Variants in SYTL2 observed in about 807,000 individuals in gnomAD.
SYTL2 encodes synaptotagmin like 2, also known as synaptotagmin-like protein 2.
Under a neutral mutation model 198.7 loss-of-function variants are expected in SYTL2, and 165 were observed. The observed-to-expected ratio is 0.83, with a 90% CI of 0.73 to 0.94. The LOEUF is 0.94. Ranked by LOEUF, SYTL2 falls within the 40% of genes least tolerant of loss-of-function variation. SYTL2 has a pLI of 0.00. For synonymous variants in SYTL2, 966 were observed against 917.7 expected, an observed-to-expected ratio of 1.05 and a Z score of -0.95; for missense variants, 2,835 against 2,582.8, an observed-to-expected ratio of 1.10 and a Z score of -2.12.
chr11:85,782,601 A>G (rs775350335), intron 1 of SYTL2, among the ~76,000 whole-genome samples: 5 of 152,214 alleles, frequency 3.3e-5, no homozygotes, highest in Admixed American at 1.3e-4. Context: ...TCTTTTTTAA[A>G]CGTAAGTTCC....
the SYTL2 span, among the ~76,000 whole-genome samples, chr11:85,816,225 C>T: frequency 6.6e-6 from 1 of 152,060 alleles, no homozygotes; most frequent in African/African-American, 2.4e-5. Context: ...GTAGTGATCA[C>T]TTCCCTCAGA....
At position 85,726,226 on chromosome 11, in the gene SYTL2, T is replaced by G; in HGVS notation, c.3132A>C (p.Lys1044Asn). The G allele has an allele frequency of 2.5e-6, 4 of 1,612,184 alleles. No homozygotes were observed. The highest frequency in any genetic ancestry group is 3.4e-6 in the Non-Finnish European group (4 of 1,179,354). The change falls in exon 8 of 20, where the codon AAA (lysine) becomes AAC (asparagine). Residue 1044 changes from lysine to asparagine, a missense_variant. Physicochemically the swap from Lys to Asn is moderately conservative, Grantham distance 94 (BLOSUM62 0). Transcript: ENST00000359152. The part of the protein sequence containing the change: ...HEAEVLLSPK[K>N]VMAREEMEKL... ...TCTCCATTTCCTCTCTTGCCATAACTTTTTTTGGGCTTAGAAGCACCTCTG... is the reference window on the plus strand; with the variant it reads ...TCTCCATTTCCTCTCTTGCCATAACGTTTTTTGGGCTTAGAAGCACCTCTG...
chr11:85,832,460 G>C, the SYTL2 span, among the ~76,000 whole-genome samples: 1 of 152,160 alleles, frequency 6.6e-6, no homozygotes, highest in Non-Finnish European at 1.5e-5. Context: ...ACATATAGCA[G>C]TGAAAGTTGT....
rs2084885970 is a variant in SYTL2, at chr11:85,704,884, A to G, written c.6163T>C (p.Leu2055=). Residue 2055 remains leucine (L), a synonymous_variant, in exon 16 of 20, where the codon TTG becomes CTG. Transcript: ENST00000359152. The stretch of plus-strand genomic sequence containing the variant: ...TTCCGCTTCAGAGGGTACCATCTCA[A>G]TTGTTTATTCTGTTTGTTATCCCAG... The part of the protein sequence containing the change: ...WDWDNKQNKQ[L]RWYPLKRKTA... 1 of 1,613,458 alleles carries G rather than the reference A, an allele frequency of 6.2e-7. No homozygotes were observed. The highest frequency in any genetic ancestry group is 8.5e-7 in the Non-Finnish European group (1 of 1,179,708).
upstream of SYTL2, among the ~76,000 whole-genome samples, chr11:85,811,522 G>A (rs977659117): frequency 6.6e-6 from 1 of 152,144 alleles, no homozygotes; most frequent in Non-Finnish European, 1.5e-5. Context: ...CTCCGAGAAG[G>A]GACAGCCACC....
At chr11:85,817,742 G>A in the SYTL2 span, among the ~76,000 whole-genome samples, 2 of 152,016 alleles carry the variant, frequency 1.3e-5, no homozygotes, top group Admixed American at 1.3e-4. Flanking sequence ...GTGAGTTATT[G>A]TATACAGGAT....
chr11:85,796,560 C>T (rs919101525), intron 1 of SYTL2, among the ~76,000 whole-genome samples: 1 of 152,148 alleles, frequency 6.6e-6, no homozygotes, highest in Admixed American at 6.6e-5. Flanking sequence ...TCTTTGTCAC[C>T]CAGATCTTAC....
intron 8 of SYTL2, among the ~76,000 whole-genome samples, chr11:85,723,053 G>C (rs1400579680): frequency 4.6e-5 from 7 of 152,156 alleles, no homozygotes; most frequent in African/African-American, 1.7e-4. Flanking sequence ...TGGTTAAAAT[G>C]TCCCAGCCAA....
chr11:85,721,999 C>T (rs1421633908), intron 8 of SYTL2, among the ~76,000 whole-genome samples: 5 of 151,970 alleles, frequency 3.3e-5, no homozygotes, highest in Admixed American at 3.3e-4. Context: ...AATTACAGTA[C>T]CCTTATAGTA....
chr11:85,741,345 T>C (rs527291682), intron 4 of SYTL2, among the ~76,000 whole-genome samples: 1 of 152,284 alleles, frequency 6.6e-6, no homozygotes, highest in South Asian at 2.1e-4. Flanking sequence ...AAGTCAGTAT[T>C]TCTTTAAGTA....
chr11:85,819,123 C>A, the SYTL2 span, among the ~76,000 whole-genome samples: 1 of 152,110 alleles, frequency 6.6e-6, no homozygotes, highest in African/African-American at 2.4e-5. Flanking sequence ...ATTTTCATAT[C>A]AATTCTCTAG....
chr11:85,748,571 C>T (rs1263778418), intron 2 of SYTL2, 148 bp from the exon 3 acceptor site: 4 of 852,386 alleles, frequency 4.7e-6, no homozygotes, highest in East Asian at 2.7e-5. Context: ...AGATGACTAA[C>T]AAGTGTATGT....
chr11:85,723,404 A>C (rs1023425340), intron 8 of SYTL2, among the ~76,000 whole-genome samples: 2 of 152,154 alleles, frequency 1.3e-5, no homozygotes, highest in African/African-American at 2.4e-5. Context: ...TGGCAACAAA[A>C]CACCACAGCA....
chr11:85,812,967 C>A (rs943842014), upstream of SYTL2, among the ~76,000 whole-genome samples: 23 of 152,158 alleles, frequency 1.5e-4, 1 homozygote, highest in Non-Finnish European at 2.9e-5. Flanking sequence ...CTCTGGAGGG[C>A]AGGCACTGGG....
the SYTL2 span, among the ~76,000 whole-genome samples, chr11:85,831,533 A>T: frequency 6.6e-6 from 1 of 152,242 alleles, no homozygotes; most frequent in Non-Finnish European, 1.5e-5. Context: ...GCTCCTAAAT[A>T]GCAGAACTAA....
chr11:85,791,111 G>A (rs1174805924), intron 1 of SYTL2, among the ~76,000 whole-genome samples: 2 of 120,310 alleles, frequency 1.7e-5, no homozygotes, highest in Admixed American at 1.2e-4. Context: ...AGGTTGCAAT[G>A]AGCCAAGATC....
intron 1 of SYTL2, among the ~76,000 whole-genome samples, chr11:85,775,977 TA>T (rs1408105638): frequency 2.0e-5 from 3 of 152,352 alleles, no homozygotes; most frequent in East Asian, 3.9e-4. Context: ...AGGTACGGCC[TA>T]ATGGCAGGTG....
chr11:85,740,086 GTCTT>G (rs1207830939), intron 4 of SYTL2, among the ~76,000 whole-genome samples: 2 of 152,166 alleles, frequency 1.3e-5, no homozygotes, highest in African/African-American at 4.8e-5. Context: ...CTTTGGTGGT[GTCTT>G]TCTTCTGTTC....
At chr11:85,823,855 T>C in the SYTL2 span, among the ~76,000 whole-genome samples, 1 of 152,236 alleles carries the variant, frequency 6.6e-6, no homozygotes, top group Non-Finnish European at 1.5e-5. Context: ...ATGTAAACTC[T>C]ACGTAAGCTC....
Sources: allele counts gnomAD v4.1 joint callset (sites outside exome capture counted in the v4.1 genomes callset), GRCh38; gene constraint gnomAD v4.1.1; transcripts MANE v1.5; gene names NCBI Gene and HGNC (gene_info 2026-07-23, HGNC 2026-07-21).